Variants in TTBK1 observed in about 807,000 individuals in gnomAD.
TTBK1 encodes the protein tau-tubulin kinase 1.
A neutral mutation model predicts 108.5 loss-of-function variants in TTBK1; 34 were observed. That is an observed-to-expected ratio of 0.31 (90% CI 0.24 to 0.42). TTBK1 has a LOEUF of 0.42. Among genes scored for constraint, TTBK1 ranks in the 10% least tolerant of loss-of-function variants. The probability of loss-of-function intolerance (pLI) is 1.00; values close to 1 mark genes in which losing one functional copy is unlikely to be tolerated. For synonymous variants in TTBK1, 809 were observed against 795.1 expected (o/e 1.02, Z -0.29); for missense variants, 1,539 against 1,826.0 (o/e 0.84, Z 2.86).
At chr6:43,258,030 T>G in intron 10 of TTBK1, 64 bp downstream of exon 10, 2 of 1,506,260 alleles carry the variant, frequency 1.3e-6, no homozygotes, top group Non-Finnish European at 1.8e-6. Context: ...GGGCAGGCGG[T>G]CCTCTCCTCT....
chr6:43,264,002 C>T (rs1358770410), intron 13 of TTBK1, among the ~76,000 whole-genome samples: 1 of 151,762 alleles, frequency 6.6e-6, no homozygotes, highest in African/African-American at 2.4e-5. Flanking sequence ...ATAGGTCAAG[C>T]AGGCTGTGAT....
Position 43,285,399 on chromosome 6 carries a change from T to TCCCCCCCCCGCCCCCCCGC in TTBK1, c.*28_*29insCCCCGCCCCCCCGCCCCCC. 1 of 1,258,716 alleles carries TCCCCCCCCCGCCCCCCCGC rather than the reference T, an allele frequency of 7.9e-7. No homozygotes were observed. The highest frequency in any genetic ancestry group is 9.9e-7 in the Non-Finnish European group (1 of 1,005,554). 78.0% of individuals were successfully genotyped at this position (1,258,716 alleles called of 1,614,324 possible). A position where few individuals can be genotyped will look rare whatever the true frequency, so the allele number is the denominator to read the frequency against. ...TAATGACGCCCGCTGCTCTCCGCGG[T>TCCCCCCCCCGCCCCCCCGC]CCCCCACCCTCACCCCGGCCCCCCA... is the stretch of plus-strand genomic sequence containing the variant. On this transcript the variant is annotated 3_prime_UTR_variant, in exon 15 of 15. Coordinates refer to ENST00000259750, the MANE Select transcript of TTBK1 (RefSeq NM_032538.3). This position sits in a 1 kb window ranked among gnomAD's most constrained non-coding sequence, Gnocchi z 4.7.
chr6:43,258,569 C>T (rs973132183), intron 10 of TTBK1, among the ~76,000 whole-genome samples: 2 of 150,820 alleles, frequency 1.3e-5, no homozygotes, highest in Admixed American at 6.6e-5. Context: ...TTAAAGAACT[C>T]GAAAGTTTAA....
In TTBK1 at chr6:43,269,979, C is replaced by T; in HGVS notation, c.1986+6629C>T. The T allele has an allele frequency of 7.0e-7, 1 of 1,430,064 alleles. No homozygotes were observed. Among genetic ancestry groups the T allele is most frequent in the East Asian group, 2.6e-5 (1 of 38,984 alleles). The allele number at this position is 1,430,064 out of a possible 1,614,324, so 88.6% of individuals were successfully genotyped here. On this transcript the variant is annotated intron_variant, in intron 13 of 14. Transcript: ENST00000259750. This position sits in a 1 kb window ranked among gnomAD's most constrained non-coding sequence, Gnocchi z 4.8. ...TGGGCCCCCCCCCTCCTGGAGGGGG[C>T]AGGTGGGGGGGGGTGGGGAGCAGGC...
chr6:43,271,529 CCT>C, intron 13 of TTBK1: 1 of 985,364 alleles, frequency 1.0e-6, no homozygotes, highest in African/African-American at 1.7e-5. Context: ...CTCTTCTACC[CCT>C]CTCTCCCTGT....
chr6:43,250,391 T>C (rs1777205863), intron 2 of TTBK1, among the ~76,000 whole-genome samples: 1 of 147,122 alleles, frequency 6.8e-6, no homozygotes, highest in Middle Eastern at 3.5e-3. Context: ...AGTTTCTCTC[T>C]TGTTGCCCAG....
At chr6:43,248,396 A>AG (rs1037509417) in intron 2 of TTBK1, among the ~76,000 whole-genome samples, 1 of 152,044 alleles carries the variant, frequency 6.6e-6, no homozygotes, top group Non-Finnish European at 1.5e-5. Flanking sequence ...CAGAAGAAAA[A>AG]GGGGGTCAGT....
chr6:43,263,296 C>A lies in TTBK1; in HGVS notation c.1932C>A (p.His644Gln). ...GCAGCCCTTCCCACTCACCCCTGCA[C>A]TCGGGACCCCGCCCTCGACGGAGAG... ...TPGSPSHSPL[H>Q]SGPRPRRRES... Residue 644 changes from histidine to glutamine, a missense_variant, in exon 13 of 15, where the codon CAC becomes CAA. By Grantham distance (24) the His-to-Gln change is conservative. Around this residue, in one of 5 missense-constraint regions of TTBK1, gnomAD observed 1,055 missense variants for 1,086.5 expected, o/e 0.97. Transcript: ENST00000259750. This position sits in a 1 kb window ranked among gnomAD's most constrained non-coding sequence, Gnocchi z 4.7. The A allele has an allele frequency of 6.7e-7, 1 of 1,498,928 alleles. No homozygotes were observed. The highest frequency in any genetic ancestry group is 8.9e-7 in the Non-Finnish European group (1 of 1,121,330). The allele number at this position is 1,498,928 out of a possible 1,614,324, so 92.9% of individuals were successfully genotyped here.
rs1778357196 is a variant in TTBK1 at position 43,285,593 on chromosome 6, G to A, written c.*217G>A. ...GGACGCGGCCCCGCGCCGCGGGGAG[G>A]GTCTGCCTCCCCTTCCTCGCCCTGT... is the stretch of plus-strand genomic sequence containing the variant. On this transcript the variant is annotated 3_prime_UTR_variant, in exon 15 of 15. Transcript: ENST00000259750. This position sits in a 1 kb window ranked among gnomAD's most constrained non-coding sequence, Gnocchi z 4.7. The A allele has an allele frequency of 2.1e-6, 1 of 467,822 alleles. No homozygotes were observed. The highest frequency in any genetic ancestry group is 4.8e-5 in the Admixed American group (1 of 20,822). The allele number at this position is 467,822 out of a possible 1,614,324, so 29.0% of individuals were successfully genotyped here. A position where few individuals can be genotyped will look rare whatever the true frequency, so the allele number is the denominator to read the frequency against.
rs1414801276 is a variant in TTBK1, at chr6:43,282,366, C to T, written c.1987-361C>T. 6.6e-6 allele frequency among the ~76,000 whole-genome samples: 1 copy of T among 152,214 alleles called. No homozygotes were observed. The highest frequency in any genetic ancestry group is 2.4e-5 in the African/African-American group (1 of 41,460). On this transcript the variant is annotated intron_variant, in intron 13 of 14. Transcript: ENST00000259750. The surrounding 1 kb of genome is among the most constrained non-coding windows in gnomAD (Gnocchi z 5.4). ...CGTGGTTCCTTCCAGTTTTCATTTT[C>T]TGTTATTGTTGCTGACTCGGGTGCA...
intron 1 of TTBK1, among the ~76,000 whole-genome samples, chr6:43,245,450 A>G (rs1260307305): frequency 6.6e-6 from 1 of 152,204 alleles, no homozygotes; most frequent in Non-Finnish European, 1.5e-5. Context: ...GCCTACACAC[A>G]TGCATATCAC....
chr6:43,270,289 G>T, intron 13 of TTBK1: 2 of 1,110,078 alleles, frequency 1.8e-6, no homozygotes, highest in Non-Finnish European at 2.2e-6. Flanking sequence ...GTGTCAGGGA[G>T]ATGAGGCCTG....
rs1778290497 is a variant in TTBK1, at chr6:43,284,241, TG to T, written c.3502del (p.Val1168LeufsTer215). On this transcript the variant is annotated frameshift_variant, in exon 14 of 15. Transcript: ENST00000259750. LOFTEE classifies it high-confidence loss of function. ...RPIGLRMPMP[V>X]AAQQPASRSH... ...CCATTGGCCTCCGCATGCCCATGCC[TG>T]TTGCAGCCCAGCAGCCCGCCAGCAG... is the stretch of plus-strand genomic sequence containing the variant. 6.3e-7 allele frequency: 1 copy of T among 1,596,142 alleles called. No individual in the cohort carries two copies. Among genetic ancestry groups the T allele is most frequent in the Non-Finnish European group, 8.5e-7 (1 of 1,178,134 alleles).
At chr6:43,245,184 C>T (rs1030677363) in intron 1 of TTBK1, among the ~76,000 whole-genome samples, 3 of 152,138 alleles carry the variant, frequency 2.0e-5, no homozygotes, top group African/African-American at 7.2e-5. Flanking sequence ...TATTTCATCC[C>T]AAGGAAAGGT....
chr6:43,280,048 T>G (rs1778113920), intron 13 of TTBK1, among the ~76,000 whole-genome samples: 1 of 151,692 alleles, frequency 6.6e-6, no homozygotes, highest in Admixed American at 6.6e-5. Context: ...AGAAAAGTTT[T>G]CTAAGAAAGT....
rs373080825 is a variant in TTBK1, at chr6:43,284,073, C to T, written c.3333C>T (p.Ser1111=). 5.2e-4 allele frequency: 798 copies of T among 1,539,196 alleles called. 5 individuals carry two copies. In the African/African-American group the frequency reaches 9.5e-3, roughly 18 times the overall value. The change falls in exon 14 of 15, where the codon TCC becomes TCT. Residue 1111 remains serine, a synonymous_variant. Transcript: ENST00000259750. ...LLLRLASGAS[S]SSSEEQRRAS... ...TGCGGCTGGCCTCAGGGGCCTCGTC[C>T]TCCTCCAGTGAGGAGCAGCGCCGTG...
intron 2 of TTBK1, among the ~76,000 whole-genome samples, chr6:43,247,117 C>A (rs181213561): frequency 6.6e-6 from 1 of 151,252 alleles, no homozygotes; most frequent in South Asian, 2.1e-4. Context: ...TCTGACGGAC[C>A]TTGGAGAAGG....
chr6:43,276,159 G>C lies in TTBK1; in HGVS notation c.1987-6568G>C, dbSNP rs750606256. ...CCTGAGCCTTCCCCTCCCATCGTAA[G>C]TCCTTCCCTCGACCCCCCATTTTGT... On this transcript the variant is annotated intron_variant, in intron 13 of 14. Coordinates refer to ENST00000259750, the MANE Select transcript of TTBK1 (RefSeq NM_032538.3). This position sits in a 1 kb window ranked among gnomAD's most constrained non-coding sequence, Gnocchi z 5.4. 2.4e-4 allele frequency among the ~76,000 whole-genome samples: 36 copies of C among 152,112 alleles called. No homozygotes were observed. Among genetic ancestry groups the C allele is most frequent in the Non-Finnish European group, 4.1e-4 (28 of 68,012 alleles).
chr6:43,275,090 CCCT>C (rs1360342772), intron 13 of TTBK1, among the ~76,000 whole-genome samples: 1 of 152,216 alleles, frequency 6.6e-6, no homozygotes, highest in Non-Finnish European at 1.5e-5. Context: ...CACACACTCT[CCCT>C]CCGTAGCTGC....
Sources: allele counts gnomAD v4.1 joint callset (sites outside exome capture counted in the v4.1 genomes callset), GRCh38; gene constraint gnomAD v4.1.1; regional missense constraint gnomAD v4.1.1; non-coding constraint Gnocchi (gnomAD v3.1); transcripts MANE v1.5; gene names NCBI Gene and HGNC (gene_info 2026-07-23, HGNC 2026-07-21).